The following DPP10 variants were observed in gnomAD, a reference collection of about 807,000 sequenced individuals.
DPP10 encodes inactive dipeptidyl peptidase 10.
A neutral mutation model predicts 120.9 loss-of-function variants in DPP10; 33 were observed. The observed-to-expected ratio is 0.27, with a 90% CI of 0.21 to 0.37. DPP10 has a LOEUF of 0.37. DPP10 is among the 10% of genes least tolerant of loss of function. The pLI is 1.00. For missense variants in DPP10, 816 were observed against 942.8 expected (o/e 0.87, Z 1.76); for synonymous variants, 337 against 326.1 (o/e 1.03, Z -0.36).
chr2:115,092,226 A>G (rs562326335), intron 1 of DPP10, among the ~76,000 whole-genome samples: 60 of 152,310 alleles, frequency 3.9e-4, no homozygotes, highest in African/African-American at 1.3e-3. Flanking sequence ...ATCCAAATGA[A>G]TACCAAATAA....
At chr2:115,447,527 C>T (rs2072718566) in intron 3 of DPP10, among the ~76,000 whole-genome samples, 1 of 152,064 alleles carries the variant, frequency 6.6e-6, no homozygotes, top group Non-Finnish European at 1.5e-5. Flanking sequence ...AATATAATCC[C>T]CATGTGTCAA....
intron 1 of DPP10, among the ~76,000 whole-genome samples, chr2:115,061,195 A>T (rs1194239891): frequency 6.6e-6 from 1 of 152,230 alleles, no homozygotes; most frequent in African/African-American, 2.4e-5. Flanking sequence ...AAGAGCAAAG[A>T]TAGAGATTCC....
chr2:114,688,683 A>G (rs917175564), intron 1 of DPP10, among the ~76,000 whole-genome samples: 2 of 152,000 alleles, frequency 1.3e-5, no homozygotes, highest in Non-Finnish European at 2.9e-5. Context: ...AGGAATCCAC[A>G]GTCTAAGTGA....
intron 4 of DPP10, among the ~76,000 whole-genome samples, chr2:115,523,750 G>T (rs528170914): frequency 5.3e-5 from 8 of 152,132 alleles, no homozygotes; most frequent in Non-Finnish European, 1.2e-4. Flanking sequence ...ATGAGAGAGA[G>T]AATTAGGTCG....
rs1371032843 is a variant in DPP10, at chr2:115,773,737, T to C, written c.1222-3471T>C. Among the ~76,000 whole-genome samples, 3 of 152,222 alleles carry C rather than the reference T, an allele frequency of 2.0e-5. No homozygotes were observed. In the East Asian group the frequency reaches 5.8e-4, roughly 29 times the overall value. On this transcript the variant is annotated intron_variant, in intron 13 of 25. Transcript: ENST00000410059. Reference sequence around the variant, plus strand: ...TGCTGAAGGTGCTTAAAAACCTAACTGAAGTACAAACATCCCCTTGTGAAA... The same window carrying C: ...TGCTGAAGGTGCTTAAAAACCTAACCGAAGTACAAACATCCCCTTGTGAAA...
chr2:114,962,732 A>G (rs1357754527), intron 1 of DPP10, among the ~76,000 whole-genome samples: 1 of 152,184 alleles, frequency 6.6e-6, no homozygotes, highest in Non-Finnish European at 1.5e-5. Context: ...TAATCTACTT[A>G]TGGAAGAGAC....
chr2:115,553,234 T>C (rs1347176454), intron 5 of DPP10, among the ~76,000 whole-genome samples: 1 of 152,068 alleles, frequency 6.6e-6, no homozygotes, highest in African/African-American at 2.4e-5. Context: ...CTAGACCTGA[T>C]ACACTTGGTA....
chr2:115,463,382 T>C (rs1214398706), intron 3 of DPP10, among the ~76,000 whole-genome samples: 1 of 152,194 alleles, frequency 6.6e-6, no homozygotes, highest in African/African-American at 2.4e-5. Context: ...TTTCAAAATT[T>C]AAATGTGTAT....
At chr2:114,764,625 GAA>G (rs1370180434) in intron 1 of DPP10, among the ~76,000 whole-genome samples, 1 of 151,374 alleles carries the variant, frequency 6.6e-6, no homozygotes, top group East Asian at 1.9e-4. Context: ...CATCAAGATT[GAA>G]AAAAATTATA....
intron 19 of DPP10, among the ~76,000 whole-genome samples, chr2:115,808,559 G>A (rs927084055): frequency 3.3e-5 from 5 of 152,152 alleles, no homozygotes; most frequent in African/African-American, 1.2e-4. Flanking sequence ...TAACTCTACT[G>A]GGTAGATGCT....
At chr2:115,440,474 A>G (rs1558662541) in intron 3 of DPP10, among the ~76,000 whole-genome samples, 1 of 151,892 alleles carries the variant, frequency 6.6e-6, no homozygotes, top group East Asian at 1.9e-4. Flanking sequence ...TTACTATGCA[A>G]TTTCTTATCT....
intron 1 of DPP10, among the ~76,000 whole-genome samples, chr2:114,883,388 G>A (rs189893373): frequency 3.3e-5 from 5 of 152,280 alleles, no homozygotes; most frequent in African/African-American, 7.2e-5. Context: ...TACAGCATTC[G>A]TGATTTCCAG....
chr2:115,551,378 T>A (rs2149004487), intron 5 of DPP10, among the ~76,000 whole-genome samples: 1 of 152,276 alleles, frequency 6.6e-6, no homozygotes, highest in Non-Finnish European at 1.5e-5. Flanking sequence ...AAGACTGGGC[T>A]GTAGTTAAGG....
intron 1 of DPP10, among the ~76,000 whole-genome samples, chr2:114,987,074 C>CCGG (rs1700450746): frequency 6.6e-6 from 1 of 152,094 alleles, no homozygotes; most frequent in African/African-American, 2.4e-5. Context: ...ACCACTGCAC[C>CCGG]CGGCCTAGGA....
chr2:114,852,176 T>TC (rs1688997177), intron 1 of DPP10, among the ~76,000 whole-genome samples: 2 of 145,548 alleles, frequency 1.4e-5, no homozygotes, highest in Admixed American at 1.4e-4. Flanking sequence ...TTTTTTTTTT[T>TC]CATAAAATGC....
At chr2:115,812,400 G>C (rs1353983428) in intron 19 of DPP10, among the ~76,000 whole-genome samples, 1 of 152,096 alleles carries the variant, frequency 6.6e-6, no homozygotes, top group Non-Finnish European at 1.5e-5. Context: ...ATTATGCTAG[G>C]CATGATTCGT....
At chr2:114,546,737 C>T (rs1324056997) in intron 1 of DPP10, among the ~76,000 whole-genome samples, 1 of 152,212 alleles carries the variant, frequency 6.6e-6, no homozygotes, top group Non-Finnish European at 1.5e-5. Context: ...TTAATTGAGG[C>T]TCTGTATGAG....
intron 1 of DPP10, among the ~76,000 whole-genome samples, chr2:114,664,655 A>G (rs1178200656): frequency 6.6e-6 from 1 of 151,938 alleles, no homozygotes; most frequent in Non-Finnish European, 1.5e-5. Context: ...AAAAGAAAGA[A>G]AGAAATTCAT....
At chr2:114,519,975 G>A (rs546130482) in intron 1 of DPP10, among the ~76,000 whole-genome samples, 1 of 96,090 alleles carries the variant, frequency 1.0e-5, no homozygotes, top group African/African-American at 3.2e-5. Context: ...CTTCCCAGTA[G>A]CACGTATATT....
Sources: allele counts gnomAD v4.1 joint callset (sites outside exome capture counted in the v4.1 genomes callset), GRCh38; gene constraint gnomAD v4.1.1; transcripts MANE v1.5; gene names NCBI Gene and HGNC (gene_info 2026-07-23, HGNC 2026-07-21).